The following RBFOX3 variants were observed in gnomAD, a reference collection of about 807,000 sequenced individuals.
RBFOX3 encodes RNA binding protein fox-1 homolog 3.
RBFOX3 carries 17 observed loss-of-function variants against 48.7 expected under a neutral mutation model. The observed-to-expected ratio is 0.35, with a 90% confidence interval of 0.24 to 0.52. The LOEUF (loss-of-function observed/expected upper bound fraction) is 0.52, where lower values mean the gene tolerates loss of function less well. Among genes scored for constraint, RBFOX3 ranks in the 20% least tolerant of loss-of-function variants. The probability of loss-of-function intolerance (pLI) is 0.94; values close to 1 mark genes in which losing one functional copy is unlikely to be tolerated. For missense variants in RBFOX3, 382 were observed against 497.5 expected, an observed-to-expected ratio of 0.77 and a Z score of 2.21; for synonymous variants, 212 against 209.5, an observed-to-expected ratio of 1.01 and a Z score of -0.10.
intron 4 of RBFOX3, among the ~76,000 whole-genome samples, chr17:79,163,060 G>A (rs533974107): frequency 2.6e-4 from 40 of 152,288 alleles, no homozygotes; most frequent in African/African-American, 9.1e-4. Flanking sequence ...CCAAAACTGT[G>A]CCCACCTCAC....
At position 79,362,636 on chromosome 17, in the gene RBFOX3, A is replaced by C. The variant is rs1489287719; in HGVS notation, c.-174-54812T>G. ...CTTGAATACCTGGCGCCCCAGGAAA[A>C]TGAGAGCCGGCCTGCCGGGCAATTG... On this transcript the variant is annotated intron_variant, in intron 2 of 14. Transcript: ENST00000693108. The surrounding 1 kb of genome is among the most constrained non-coding windows in gnomAD (Gnocchi z 4.2). 6.6e-6 allele frequency among the ~76,000 whole-genome samples: 1 copy of C among 152,180 alleles called. No individual in the cohort carries two copies. Among genetic ancestry groups the C allele is most frequent in the Non-Finnish European group, 1.5e-5 (1 of 68,036 alleles).
rs935833022 is a variant in RBFOX3, at chr17:79,390,217, A to G, written c.-174-82393T>C. ...CTCCGGGACGCTGCACTGACTTTCA[A>G]GTGCCCAGAGGTCCTCCTAGAATAA... On this transcript the variant is annotated intron_variant, in intron 2 of 14. Coordinates refer to ENST00000693108, the MANE Select transcript of RBFOX3 (RefSeq NM_001350451.2). The surrounding 1 kb of genome is among the most constrained non-coding windows in gnomAD (Gnocchi z 4.2). Among the ~76,000 whole-genome samples the G allele has an allele frequency of 6.6e-6, 1 of 152,248 alleles. No homozygotes were observed. Among genetic ancestry groups the G allele is most frequent in the African/African-American group, 2.4e-5 (1 of 41,466 alleles).
chr17:79,560,233 G>A (rs900110318), intron 1 of RBFOX3, among the ~76,000 whole-genome samples: 11 of 152,230 alleles, frequency 7.2e-5, no homozygotes, highest in East Asian at 5.8e-4. Flanking sequence ...GGTGGTCACC[G>A]AGCCAGAGCA....
intron 2 of RBFOX3, among the ~76,000 whole-genome samples, chr17:79,395,993 C>G (rs891081392): frequency 6.6e-6 from 1 of 152,216 alleles, no homozygotes; most frequent in African/African-American, 2.4e-5. Flanking sequence ...CACTGGTTTC[C>G]GTTCCAGGAT....
At chr17:79,415,762 C>G (rs777080853) in intron 2 of RBFOX3, among the ~76,000 whole-genome samples, 9 of 152,208 alleles carry the variant, frequency 5.9e-5, no homozygotes, top group African/African-American at 2.2e-4. Context: ...TTCATCTGGG[C>G]CCTGGGGGAG....
At chr17:79,340,014 A>G (rs913215901) in intron 2 of RBFOX3, among the ~76,000 whole-genome samples, 8 of 152,112 alleles carry the variant, frequency 5.3e-5, no homozygotes, top group African/African-American at 1.2e-4. Flanking sequence ...ACTTCTGAGC[A>G]TGGGCCGGGC....
chr17:79,333,690 C>T (rs2080756585), intron 2 of RBFOX3, among the ~76,000 whole-genome samples: 1 of 152,170 alleles, frequency 6.6e-6, no homozygotes, highest in Non-Finnish European at 1.5e-5. Flanking sequence ...TGGCAAACAG[C>T]TTCTTCCCAA....
At chr17:79,420,264 C>T (rs1298981887) in intron 2 of RBFOX3, among the ~76,000 whole-genome samples, 4 of 152,138 alleles carry the variant, frequency 2.6e-5, no homozygotes, top group Non-Finnish European at 4.4e-5. Context: ...CAAAAGGTCC[C>T]TTTAACGTGG....
chr17:79,486,776 G>T (rs2079668740), intron 1 of RBFOX3, among the ~76,000 whole-genome samples: 1 of 152,190 alleles, frequency 6.6e-6, no homozygotes, highest in Non-Finnish European at 1.5e-5. Context: ...GCTTGGAGGG[G>T]GGCCTCAGTC....
chr17:79,261,618 T>A (rs1320934406), intron 3 of RBFOX3, among the ~76,000 whole-genome samples: 1 of 152,122 alleles, frequency 6.6e-6, no homozygotes, highest in Non-Finnish European at 1.5e-5. Flanking sequence ...TGGGGGTGCA[T>A]TTCTCACAAG....
At chr17:79,618,391 A>C in the RBFOX3 span, among the ~76,000 whole-genome samples, 1 of 152,118 alleles carries the variant, frequency 6.6e-6, no homozygotes, top group African/African-American at 2.4e-5. Flanking sequence ...ATTGCACAAT[A>C]ATACCACCCA....
intron 2 of RBFOX3, among the ~76,000 whole-genome samples, chr17:79,451,339 C>A (rs1365114484): frequency 6.6e-6 from 1 of 152,198 alleles, no homozygotes; most frequent in East Asian, 1.9e-4. Context: ...GGGTGACAAT[C>A]ACAGGCAAAG....
At chr17:79,554,907 T>A (rs2091496674) in intron 1 of RBFOX3, among the ~76,000 whole-genome samples, 1 of 152,162 alleles carries the variant, frequency 6.6e-6, no homozygotes, top group African/African-American at 2.4e-5. Context: ...AGCTAAAGAC[T>A]TCTCCAAACC....
the RBFOX3 span, among the ~76,000 whole-genome samples, chr17:79,616,732 T>G: frequency 6.6e-6 from 1 of 152,060 alleles, no homozygotes; most frequent in African/African-American, 2.4e-5. Flanking sequence ...TAAATACCAC[T>G]TAGGGAGAGC....
intron 4 of RBFOX3, among the ~76,000 whole-genome samples, chr17:79,127,343 C>T (rs1035004746): frequency 1.3e-5 from 2 of 152,034 alleles, no homozygotes; most frequent in Non-Finnish European, 2.9e-5. Flanking sequence ...AGAGATAACG[C>T]ATCAACAGGA....
chr17:79,233,872 G>A (rs2061329277), intron 4 of RBFOX3: 1 of 152,302 alleles, frequency 6.6e-6, no homozygotes, highest in African/African-American at 2.4e-5. Context: ...CTCCCAAAGT[G>A]CTGGGATTAC....
At chr17:79,374,691 T>C (rs1198947950) in intron 2 of RBFOX3, among the ~76,000 whole-genome samples, 5 of 152,224 alleles carry the variant, frequency 3.3e-5, no homozygotes, top group African/African-American at 9.6e-5. Context: ...TTTTCACACG[T>C]GTAGGTGTGC....
At position 79,205,838 on chromosome 17, in the gene RBFOX3, C is replaced by CT. The variant is rs11285839; in HGVS notation, c.-34+29927dup. ...TCCATAAAGAGTCAAAAGCAGTTGG[C>CT]TTTTTTTTTTTTTTTCCTTAAAGTA... On this transcript the variant is annotated intron_variant, in intron 4 of 14. Transcript: ENST00000693108. The surrounding 1 kb of genome is among the most constrained non-coding windows in gnomAD (Gnocchi z 4.5). Among the ~76,000 whole-genome samples the CT allele has an allele frequency of 0.017, 2,495 of 146,396 alleles. 51 individuals are homozygous for CT. The highest frequency in any genetic ancestry group is 0.05 in the African/African-American group (1,999 of 39,656).
At position 79,214,301 on chromosome 17, in the gene RBFOX3, T is replaced by C. The variant is rs1056857752; in HGVS notation, c.-34+21465A>G. Reference sequence around the variant, plus strand: ...CGGCATGAAAAAACACTTTGCTTAATGATTTTTAATAAAAATCAGACATGG... The same window carrying C: ...CGGCATGAAAAAACACTTTGCTTAACGATTTTTAATAAAAATCAGACATGG... On this transcript the variant is annotated intron_variant, in intron 4 of 14. Coordinates refer to ENST00000693108, the MANE Select transcript of RBFOX3 (RefSeq NM_001350451.2). This position sits in a 1 kb window ranked among gnomAD's most constrained non-coding sequence, Gnocchi z 4.7. Among the ~76,000 whole-genome samples, 3 of 152,212 alleles carry C rather than the reference T, an allele frequency of 2.0e-5. No individual in the cohort carries two copies. The highest frequency in any genetic ancestry group is 4.8e-5 in the African/African-American group (2 of 41,466).
Sources: allele counts gnomAD v4.1 joint callset (sites outside exome capture counted in the v4.1 genomes callset), GRCh38; gene constraint gnomAD v4.1.1; non-coding constraint Gnocchi (gnomAD v3.1); transcripts MANE v1.5; gene names NCBI Gene and HGNC (gene_info 2026-07-23, HGNC 2026-07-21).